The following INTS15 variants were observed in gnomAD, a reference collection of about 807,000 sequenced individuals.
The protein encoded by INTS15 is uncharacterized protein C7orf26.
the INTS15 span, chr7:6,608,109 C>T: frequency 6.4e-7 from 1 of 1,568,072 alleles, no homozygotes; most frequent in Non-Finnish European, 8.6e-7. Context: ...CCCACGCATC[C>T]CGGCCACACC....
At chr7:6,602,187 G>A in the INTS15 span, 2 of 1,550,666 alleles carry the variant, frequency 1.3e-6, no homozygotes, top group Middle Eastern at 1.7e-4. Context: ...CTGGAGCAGG[G>A]TGGAGGGAGG....
At chr7:6,595,338 A>AT in the INTS15 span, among the ~76,000 whole-genome samples, 1 of 151,766 alleles carries the variant, frequency 6.6e-6, no homozygotes, top group African/African-American at 2.4e-5. Flanking sequence ...GATTTTTTAT[A>AT]TTTTTTGTAG....
At chr7:6,604,064 T>C in the INTS15 span, among the ~76,000 whole-genome samples, 3 of 152,162 alleles carry the variant, frequency 2.0e-5, no homozygotes, top group East Asian at 5.8e-4. Flanking sequence ...GTAGTGAATA[T>C]CTAAAAAGTG....
the INTS15 span, chr7:6,607,931 C>T: frequency 2.6e-5 from 42 of 1,596,738 alleles, no homozygotes; most frequent in South Asian, 4.4e-5. This position sits in a 1 kb window ranked among gnomAD's most constrained non-coding sequence, Gnocchi z 6.0. Context: ...GGAGCCCGCC[C>T]GCGCTGACGC....
chr7:6,606,430 A>G, the INTS15 span, among the ~76,000 whole-genome samples: 3 of 152,092 alleles, frequency 2.0e-5, no homozygotes, highest in Non-Finnish European at 2.9e-5. Flanking sequence ...TTGTTGTGGG[A>G]CCCAGTTAGG....
the INTS15 span, chr7:6,599,867 G>C: frequency 6.2e-7 from 1 of 1,614,082 alleles, no homozygotes; most frequent in Non-Finnish European, 8.5e-7. Context: ...TGAAATGATT[G>C]TCACCTGGAT....
the INTS15 span, among the ~76,000 whole-genome samples, chr7:6,597,925 C>T: frequency 3.4e-4 from 52 of 152,310 alleles, no homozygotes; most frequent in African/African-American, 1.2e-3. Flanking sequence ...ATAATTATAT[C>T]CCCCCTTTCC....
chr7:6,605,900 T>C, the INTS15 span, among the ~76,000 whole-genome samples: 1 of 152,248 alleles, frequency 6.6e-6, no homozygotes, highest in African/African-American at 2.4e-5. Flanking sequence ...GTTTTCGCCA[T>C]GTTGGCCAGG....
chr7:6,590,450 C>T, the INTS15 span: 4 of 1,596,516 alleles, frequency 2.5e-6, no homozygotes, highest in Non-Finnish European at 3.4e-6. Context: ...TTCCAGGTGC[C>T]CAAGGAGCGC....
At chr7:6,591,642 G>A in the INTS15 span, 1 of 1,612,876 alleles carries the variant, frequency 6.2e-7, no homozygotes, top group Non-Finnish European at 8.5e-7. Flanking sequence ...GATTTCTTTT[G>A]CAGAGACTGA....
At chr7:6,595,116 C>G in the INTS15 span, among the ~76,000 whole-genome samples, 1 of 152,186 alleles carries the variant, frequency 6.6e-6, no homozygotes, top group Non-Finnish European at 1.5e-5. Flanking sequence ...ACTGCAGTCT[C>G]TGCCCCCAAG....
chr7:6,607,855 G>A, the INTS15 span: 9 of 1,536,774 alleles, frequency 5.9e-6, no homozygotes, highest in Admixed American at 5.9e-5. The surrounding 1 kb of genome is among the most constrained non-coding windows in gnomAD (Gnocchi z 6.0). Flanking sequence ...TGCCTGTGTC[G>A]GTGCCTCTCC....
At chr7:6,595,058 G>T in the INTS15 span, among the ~76,000 whole-genome samples, 2 of 151,794 alleles carry the variant, frequency 1.3e-5, no homozygotes, top group Admixed American at 6.6e-5. Flanking sequence ...TTGAGACAGG[G>T]TTTCACTCTG....
the INTS15 span, among the ~76,000 whole-genome samples, chr7:6,593,329 G>GTTTTTTT: frequency 2.5e-3 from 331 of 130,786 alleles, 3 homozygotes; most frequent in Non-Finnish European, 3.9e-3. Flanking sequence ...CTGTGCGGTG[G>GTTTTTTT]TTTTTTTTTT....
the INTS15 span, among the ~76,000 whole-genome samples, chr7:6,597,933 T>A: frequency 2.0e-5 from 3 of 152,122 alleles, no homozygotes; most frequent in Admixed American, 6.5e-5. Context: ...ATCCCCCCTT[T>A]CCTGGATGGA....
At chr7:6,600,299 C>T in the INTS15 span, 6 of 1,613,978 alleles carry the variant, frequency 3.7e-6, no homozygotes, top group African/African-American at 1.3e-5. Context: ...CTCGCTGGAC[C>T]GGCTGGCGCA....
At chr7:6,607,837 G>A in the INTS15 span, 1 of 1,516,022 alleles carries the variant, frequency 6.6e-7, no homozygotes, top group Non-Finnish European at 8.8e-7. The surrounding 1 kb of genome is among the most constrained non-coding windows in gnomAD (Gnocchi z 6.0). Flanking sequence ...GGACCCCCGG[G>A]TGGTCCGTGC....
chr7:6,590,372 G>C, the INTS15 span: 4 of 1,607,228 alleles, frequency 2.5e-6, no homozygotes, highest in South Asian at 3.3e-5. Context: ...TACTTCAGCA[G>C]CCAGCTGCAG....
chr7:6,590,263 G>C, the INTS15 span: 1 of 1,495,300 alleles, frequency 6.7e-7, no homozygotes. Flanking sequence ...CGCTCGGCGC[G>C]GGGGCCGCGG....
Sources: allele counts gnomAD v4.1 joint callset (sites outside exome capture counted in the v4.1 genomes callset), GRCh38; gene constraint gnomAD v4.1.1; non-coding constraint Gnocchi (gnomAD v3.1); transcripts MANE v1.5; gene names NCBI Gene and HGNC (gene_info 2026-07-23, HGNC 2026-07-21).